CACNA2D2: variants seen among roughly 807,000 people sequenced by gnomAD.
The protein encoded by CACNA2D2 is voltage-dependent calcium channel subunit alpha-2/delta-2.
Under a neutral mutation model 166.4 loss-of-function variants are expected in CACNA2D2, and 48 were observed. That is an observed-to-expected ratio of 0.29 (90% CI 0.23 to 0.37). CACNA2D2 has a LOEUF of 0.37. Among genes scored for constraint, CACNA2D2 ranks in the 10% least tolerant of loss-of-function variants. The pLI is 1.00. For synonymous variants in CACNA2D2, 561 were observed against 573.7 expected (o/e 0.98, Z 0.32); for missense variants, 1,122 against 1,433.0 (o/e 0.78, Z 3.50).
intron 3 of CACNA2D2, among the ~76,000 whole-genome samples, chr3:50,396,876 G>A (rs1706184363): frequency 6.6e-6 from 1 of 152,216 alleles, no homozygotes; most frequent in Admixed American, 6.5e-5. Flanking sequence ...AGTGGAGGAA[G>A]CAGAGGCGGT....
chr3:50,475,857 A>T (rs1000697097), intron 2 of CACNA2D2, among the ~76,000 whole-genome samples: 12 of 152,106 alleles, frequency 7.9e-5, no homozygotes, highest in Admixed American at 2.6e-4. Flanking sequence ...CTGAAAGCCC[A>T]AAAAGCTCCA....
At chr3:50,415,134 G>A (rs920595164) in intron 3 of CACNA2D2, among the ~76,000 whole-genome samples, 1 of 152,188 alleles carries the variant, frequency 6.6e-6, no homozygotes, top group Admixed American at 6.5e-5. Flanking sequence ...TTCTGTGGTG[G>A]GACACTGACG....
At chr3:50,478,734 A>C (rs1697910218) in intron 1 of CACNA2D2, among the ~76,000 whole-genome samples, 1 of 152,248 alleles carries the variant, frequency 6.6e-6, no homozygotes, top group African/African-American at 2.4e-5. Context: ...CTGGAGTCAC[A>C]AAAGCTGACT....
chr3:50,487,213 T>C (rs1466065650), intron 1 of CACNA2D2, among the ~76,000 whole-genome samples: 2 of 152,116 alleles, frequency 1.3e-5, no homozygotes, highest in Non-Finnish European at 2.9e-5. Context: ...AATGGCCAAA[T>C]AGGAAGTAGG....
chr3:50,444,615 TG>T (rs1396648287), intron 2 of CACNA2D2, among the ~76,000 whole-genome samples: 3 of 152,238 alleles, frequency 2.0e-5, no homozygotes, highest in Admixed American at 6.5e-5. Flanking sequence ...CCTCACAGGC[TG>T]GAATTCTGTC....
chr3:50,406,179 A>G (rs575196525), intron 3 of CACNA2D2, among the ~76,000 whole-genome samples: 16 of 151,836 alleles, frequency 1.1e-4, no homozygotes, highest in Non-Finnish European at 1.8e-4. Flanking sequence ...ATTGGAGAAG[A>G]CATGCACAGC....
In CACNA2D2 at chr3:50,378,065, C is replaced by T; in HGVS notation, c.1422G>A (p.Val474=). 6.2e-7 allele frequency: 1 copy of T among 1,613,656 alleles called. No homozygotes were observed. The highest frequency in any genetic ancestry group is 8.5e-7 in the Non-Finnish European group (1 of 1,180,020). Residue 474 remains valine, a synonymous_variant, in exon 15 of 38, where the codon GTG becomes GTA. Coordinates refer to ENST00000424201, the MANE Select transcript of CACNA2D2 (RefSeq NM_006030.4). The part of the protein sequence containing the change: ...EYLDVLGRPM[V]LAGKEAKQVQ... ...CCTGCTTGGCCTCCTTGCCTGCCAG[C>T]ACCATGGGCCTGCCCAACACATCTA...
chr3:50,434,290 CT>C, intron 3 of CACNA2D2, 22 bp downstream of exon 3: 2 of 1,563,410 alleles, frequency 1.3e-6, no homozygotes, highest in Admixed American at 1.7e-5. Context: ...TGCCGCCCCC[CT>C]GCCCCCAAAA....
intron 3 of CACNA2D2, among the ~76,000 whole-genome samples, chr3:50,409,023 C>A (rs1706861227): frequency 6.6e-6 from 1 of 152,228 alleles, no homozygotes; most frequent in African/African-American, 2.4e-5. Context: ...TAGCCCCCGA[C>A]CTCCTCAGCC....
At chr3:50,493,499 G>A (rs1698600946) in intron 1 of CACNA2D2, among the ~76,000 whole-genome samples, 2 of 152,198 alleles carry the variant, frequency 1.3e-5, no homozygotes, top group Non-Finnish European at 1.5e-5. Context: ...GCAGTAAGTT[G>A]GCCAAGGACA....
At chr3:50,457,979 G>GC (rs1159251984) in intron 2 of CACNA2D2, among the ~76,000 whole-genome samples, 1 of 152,140 alleles carries the variant, frequency 6.6e-6, no homozygotes, top group African/African-American at 2.4e-5. Flanking sequence ...TTTGGGAGCT[G>GC]CCCCAAAGGG....
chr3:50,480,296 T>C (rs1697989308), intron 1 of CACNA2D2, among the ~76,000 whole-genome samples: 1 of 152,194 alleles, frequency 6.6e-6, no homozygotes, highest in Non-Finnish European at 1.5e-5. Flanking sequence ...AACCTCAGCT[T>C]TTCCATCGGT....
At chr3:50,409,515 A>G (rs1706889915) in intron 3 of CACNA2D2, among the ~76,000 whole-genome samples, 1 of 152,252 alleles carries the variant, frequency 6.6e-6, no homozygotes, top group South Asian at 2.1e-4. Flanking sequence ...CCTGTGCTGC[A>G]CACGGAGCTG....
Position 50,365,167 on chromosome 3 carries a change from C to G in CACNA2D2, c.3116G>C (p.Arg1039Thr), listed in dbSNP as rs1013511770. ...GNCSRLFHAQ[R>T]LTNTNLLFVV... ...AAAGAGAAGATTGGTGTTGGTCAGT[C>G]TCTGCGCGTGGAACAGCCTGCGGGC... Residue 1039 changes from arginine (R) to threonine (T), a missense_variant, in exon 36 of 38, where the codon AGA becomes ACA. Physicochemically the swap from Arg to Thr is moderately conservative, Grantham distance 71. Transcript: ENST00000424201. The surrounding 1 kb of genome is among the most constrained non-coding windows in gnomAD (Gnocchi z 4.5). 6.2e-7 allele frequency: 1 copy of G among 1,612,156 alleles called. No homozygotes were observed. Among genetic ancestry groups the G allele is most frequent in the South Asian group, 1.1e-5 (1 of 91,080 alleles).
intron 3 of CACNA2D2, among the ~76,000 whole-genome samples, chr3:50,418,933 C>T (rs1202966700): frequency 2.6e-5 from 4 of 152,118 alleles, no homozygotes; most frequent in African/African-American, 9.7e-5. Flanking sequence ...AGCAGCGTCT[C>T]AGTGTGGGAG....
At chr3:50,409,022 ACCT>A (rs1343753921) in intron 3 of CACNA2D2, among the ~76,000 whole-genome samples, 1 of 152,020 alleles carries the variant, frequency 6.6e-6, no homozygotes, top group Non-Finnish European at 1.5e-5. Context: ...TTAGCCCCCG[ACCT>A]CCTCAGCCCA....
intron 3 of CACNA2D2, chr3:50,416,092 A>T (rs1446068525): frequency 6.6e-6 from 1 of 152,100 alleles, no homozygotes; most frequent in African/African-American, 2.4e-5. Context: ...TCTGCACCAG[A>T]TTTTCTTGAG....
At position 50,365,560 on chromosome 3, in the gene CACNA2D2, C is replaced by A. The variant is rs1046005359; in HGVS notation, c.2971+73G>T. ...CGGCCTCCCTCAGTCGTAGACCCCACCCTCCCCATGGAGTCGTCTTAGCTC... is the reference window on the plus strand; with the variant it reads ...CGGCCTCCCTCAGTCGTAGACCCCAACCTCCCCATGGAGTCGTCTTAGCTC... On this transcript the variant is annotated intron_variant, in intron 34 of 37. Transcript: ENST00000424201. The surrounding 1 kb of genome is among the most constrained non-coding windows in gnomAD (Gnocchi z 4.5). 8.2e-6 allele frequency: 13 copies of A among 1,587,154 alleles called. No homozygotes were observed. The highest frequency in any genetic ancestry group is 3.6e-5 in the Admixed American group (2 of 55,486).
intron 22 of CACNA2D2, among the ~76,000 whole-genome samples, chr3:50,370,889 G>A (rs892567739): frequency 1.4e-4 from 22 of 152,052 alleles, no homozygotes; most frequent in Non-Finnish European, 2.4e-4. Context: ...TTTCTTTGCC[G>A]CAGCTGTTTG....
Sources: allele counts gnomAD v4.1 joint callset (sites outside exome capture counted in the v4.1 genomes callset), GRCh38; gene constraint gnomAD v4.1.1; non-coding constraint Gnocchi (gnomAD v3.1); transcripts MANE v1.5; gene names NCBI Gene and HGNC (gene_info 2026-07-23, HGNC 2026-07-21).